Variants in NOL8 observed in about 807,000 individuals in gnomAD.
NOL8 encodes nucleolar protein Nop132.
Under a neutral mutation model 116.1 loss-of-function variants are expected in NOL8, and 93 were observed. The observed-to-expected ratio is 0.80, with a 90% confidence interval of 0.68 to 0.95. NOL8 has a LOEUF of 0.95. Ranked by LOEUF, NOL8 falls within the 40% of genes least tolerant of loss-of-function variation. The pLI is 0.00. For missense variants in NOL8, 1,291 were observed against 1,382.8 expected, an observed-to-expected ratio of 0.93 and a Z score of 1.05; for synonymous variants, 419 against 469.0, an observed-to-expected ratio of 0.89 and a Z score of 1.38.
chr9:92,312,566 C>T (rs971082609), intron 7 of NOL8, among the ~76,000 whole-genome samples: 1 of 151,190 alleles, frequency 6.6e-6, no homozygotes, highest in African/African-American at 2.4e-5. Flanking sequence ...GTAGCTCACG[C>T]CTGTAATCCC....
At chr9:92,299,166 C>T (rs2134077024) in intron 14 of NOL8, among the ~76,000 whole-genome samples, 1 of 152,334 alleles carries the variant, frequency 6.6e-6, no homozygotes, top group African/African-American at 2.4e-5. Context: ...AACCCTCCCT[C>T]TAACATTCTT....
In NOL8 at chr9:92,297,798, C is replaced by T; in HGVS notation, c.*38G>A. Reference sequence around the variant, plus strand: ...TTCTGGGTCAGTTTCCTTAGGTGAGCCTTGTTCACATTCAGTATCAAAACC... The same window carrying T: ...TTCTGGGTCAGTTTCCTTAGGTGAGTCTTGTTCACATTCAGTATCAAAACC... On this transcript the variant is annotated 3_prime_UTR_variant, in exon 17 of 17. Transcript: ENST00000442668. 6.7e-7 allele frequency: 1 copy of T among 1,492,084 alleles called. No individual in the cohort carries two copies. Among genetic ancestry groups the T allele is most frequent in the South Asian group, 1.3e-5 (1 of 79,800 alleles). The allele number at this position is 1,492,084 out of a possible 1,614,324, so 92.4% of individuals were successfully genotyped here. A position where few individuals can be genotyped will look rare whatever the true frequency, so the allele number is the denominator to read the frequency against.
intron 3 of NOL8, 83 bp from the exon 4 acceptor site, chr9:92,321,829 A>G (rs752880752): frequency 7.7e-4 from 552 of 712,586 alleles, no homozygotes; most frequent in Non-Finnish European, 1.1e-3. Context: ...TTTAGTATCA[A>G]GAAAAGCAGG....
intron 12 of NOL8, among the ~76,000 whole-genome samples, chr9:92,305,293 G>A (rs1316895866): frequency 6.6e-6 from 1 of 152,088 alleles, no homozygotes; most frequent in Admixed American, 6.6e-5. Context: ...CTCAAGCCAA[G>A]GAACACCAAA....
At position 92,297,844 on chromosome 9, in the gene NOL8, G is replaced by A; in HGVS notation, c.3496C>T (p.Pro1166Ser). ...AAACCAGCTGACATTTATTATTTTG[G>A]TTTCATTTTCCTTTTTGCGTCTTTA... ...KHKDAKRKMK[P>S]K Residue 1166 changes from proline to serine, a missense_variant, in exon 17 of 17, where the codon CCA becomes TCA. Physicochemically the swap from Pro to Ser is moderately conservative, Grantham distance 74. Coordinates refer to ENST00000442668, the MANE Select transcript of NOL8 (RefSeq NM_017948.6). The A allele has an allele frequency of 6.5e-7, 1 of 1,548,234 alleles. No homozygotes were observed. The highest frequency in any genetic ancestry group is 8.7e-7 in the Non-Finnish European group (1 of 1,145,388).
chr9:92,317,612 G>A (rs1014764687), intron 6 of NOL8, among the ~76,000 whole-genome samples: 1 of 152,154 alleles, frequency 6.6e-6, no homozygotes, highest in Non-Finnish European at 1.5e-5. Context: ...GTCAATCAGT[G>A]GGGAATCTGA....
chr9:92,309,907 C>T (rs758009059), intron 10 of NOL8, among the ~76,000 whole-genome samples: 1 of 152,198 alleles, frequency 6.6e-6, no homozygotes, highest in Non-Finnish European at 1.5e-5. Flanking sequence ...AACTTCTTCT[C>T]ATGCCAAGGA....
chr9:92,306,179 A>C (rs1451395972), intron 11 of NOL8, among the ~76,000 whole-genome samples: 8 of 152,240 alleles, frequency 5.3e-5, no homozygotes, highest in African/African-American at 1.9e-4. Flanking sequence ...TTTTTAGTAG[A>C]GACGGGGTTT....
Position 92,315,315 on chromosome 9 carries a change from G to A in NOL8, c.1310C>T (p.Ala437Val), listed in dbSNP as rs2134134951. The A allele has an allele frequency of 1.2e-6, 2 of 1,613,876 alleles. No homozygotes were observed. Among genetic ancestry groups the A allele is most frequent in the Non-Finnish European group, 1.7e-6 (2 of 1,179,834 alleles). The change falls in exon 7 of 17, where the codon GCC (alanine) becomes GTC (valine). Residue 437 changes from alanine to valine, a missense_variant. Physicochemically the swap from Ala to Val is moderately conservative, Grantham distance 64. Transcript: ENST00000442668. ...LQKRKSNVES[A>V]LSHGLKSLNR... Reference sequence around the variant, plus strand: ...AAGAGACTTTAATCCATGACTGAGGGCTGACTCTACATTGCTTTTTCTTTT... The same window carrying A: ...AAGAGACTTTAATCCATGACTGAGGACTGACTCTACATTGCTTTTTCTTTT...
chr9:92,315,519 A>T lies in NOL8; in HGVS notation c.1106T>A (p.Ile369Asn), dbSNP rs568325360. ...RVSCHDSDDD[I>N]MRNDREYDSG... ...GTCATACTCACGATCATTTCTCATA[A>T]TATCATCATCACTATCATGGCAAGA... The change falls in exon 7 of 17, where the codon ATT becomes AAT. Residue 369 changes from isoleucine (I) to asparagine (N), a missense_variant. Ile to Asn is a moderately radical substitution (Grantham distance 149, BLOSUM62 -3). Coordinates refer to ENST00000442668, the MANE Select transcript of NOL8 (RefSeq NM_017948.6). 4.5e-5 allele frequency: 72 copies of T among 1,611,250 alleles called. No individual in the cohort carries two copies. In the East Asian group the frequency reaches 6.5e-4, roughly 14 times the overall value.
intron 13 of NOL8, among the ~76,000 whole-genome samples, chr9:92,301,160 A>G (rs1202963497): frequency 2.6e-5 from 4 of 152,250 alleles, no homozygotes; most frequent in Non-Finnish European, 5.9e-5. Context: ...TGTAAAACCA[A>G]GGTTACCTAT....
chr9:92,311,071 T>G, intron 8 of NOL8, 75 bp downstream of exon 8: 1,088 of 1,156,228 alleles, frequency 9.4e-4, no homozygotes, highest in Non-Finnish European at 1.3e-3. Flanking sequence ...GGTTTTATGT[T>G]GAGATTGCCA....
rs765711956 is a variant in NOL8 at position 92,311,274 on chromosome 9, G to C, written c.2359-15C>G. 2 of 1,580,308 alleles carry C rather than the reference G, an allele frequency of 1.3e-6. No individual in the cohort carries two copies. Among genetic ancestry groups the C allele is most frequent in the Non-Finnish European group, 8.7e-7 (1 of 1,152,418 alleles). On this transcript the variant is annotated splice_polypyrimidine_tract_variant and intron_variant, in intron 7 of 16. Coordinates refer to ENST00000442668, the MANE Select transcript of NOL8 (RefSeq NM_017948.6). ...GGATGACCATCCTAGGGAGGCCATC[G>C]AAAGCATTGCATCTTAAAAAGATTT... is the stretch of plus-strand genomic sequence containing the variant.
chr9:92,319,893 T>A, intron 4 of NOL8: 1 of 369,326 alleles, frequency 2.7e-6, no homozygotes, highest in Non-Finnish European at 5.3e-6. Context: ...TCTTAGCCCA[T>A]CCACTACACT....
chr9:92,323,971 TTAACC>T (rs1170270853), intron 2 of NOL8, 47 bp downstream of exon 2: 23 of 1,588,252 alleles, frequency 1.4e-5, no homozygotes, highest in Non-Finnish European at 2.0e-5. Context: ...TTTCTAGCAC[TTAACC>T]TGAGTTATGT....
chr9:92,315,966 A>G lies in NOL8; in HGVS notation c.659T>C (p.Ile220Thr), dbSNP rs1839364363. 1.9e-6 allele frequency: 3 copies of G among 1,613,638 alleles called. No homozygotes were observed. In the South Asian group the frequency reaches 3.3e-5, roughly 18 times the overall value. ...ACTCTCATCCTTCTGCACTTTTATT[A>G]TCTTCTTGGGAGGGCCATGAAAGTC... ...FSDFHGPPKK[I>T]IKVQKDESST... Residue 220 changes from isoleucine to threonine, a missense_variant, in exon 7 of 17, where the codon ATA becomes ACA. By Grantham distance (89) the Ile-to-Thr change is moderately conservative. Coordinates refer to ENST00000442668, the MANE Select transcript of NOL8 (RefSeq NM_017948.6).
intron 4 of NOL8, among the ~76,000 whole-genome samples, chr9:92,319,649 AAT>A (rs1372734877): frequency 1.3e-5 from 2 of 152,180 alleles, no homozygotes; most frequent in Non-Finnish European, 2.9e-5. Flanking sequence ...TCTGTATGTA[AAT>A]ATACATATTT....
Position 92,310,692 on chromosome 9 carries a change from CATTT to C in NOL8, c.2473-21_2473-18del. The C allele has an allele frequency of 2.5e-6, 4 of 1,588,688 alleles. No homozygotes were observed. Among genetic ancestry groups the C allele is most frequent in the Non-Finnish European group, 3.4e-6 (4 of 1,171,630 alleles). The stretch of plus-strand genomic sequence containing the variant: ...CATAGACTCCTGTGAAGAAACACAA[CATTT>C]ATTAATAGCAGAGGCAAACAAGCAG... On this transcript the variant is annotated intron_variant, in intron 8 of 16. Coordinates refer to ENST00000442668, the MANE Select transcript of NOL8 (RefSeq NM_017948.6).
chr9:92,321,618 C>G, intron 4 of NOL8, 50 bp downstream of exon 4: 1 of 1,029,014 alleles, frequency 9.7e-7, no homozygotes, highest in Non-Finnish European at 1.4e-6. Flanking sequence ...TATAAAACCA[C>G]TTACAATATA....
Sources: allele counts gnomAD v4.1 joint callset (sites outside exome capture counted in the v4.1 genomes callset), GRCh38; gene constraint gnomAD v4.1.1; transcripts MANE v1.5; gene names NCBI Gene and HGNC (gene_info 2026-07-23, HGNC 2026-07-21).